The following MANEA variants were observed in gnomAD, a reference collection of about 807,000 sequenced individuals.
MANEA encodes the protein mannosidase endo-alpha.
Under a neutral mutation model 36.8 loss-of-function variants are expected in MANEA, and 25 were observed. The ratio of observed to expected loss-of-function variants is 0.68; its 90% CI spans 0.50 to 0.95. MANEA has a LOEUF of 0.95. Ranked by LOEUF, MANEA falls within the 40% of genes least tolerant of loss-of-function variation. The probability of loss-of-function intolerance (pLI) is 0.00; values close to 1 mark genes in which losing one functional copy is unlikely to be tolerated. For synonymous variants in MANEA, 198 were observed against 188.5 expected (o/e 1.05, Z -0.41); for missense variants, 565 against 558.8 (o/e 1.01, Z -0.11).
chr6:95,583,929 A>G (rs748610649), intron 1 of MANEA, among the ~76,000 whole-genome samples: 2 of 152,212 alleles, frequency 1.3e-5, no homozygotes, highest in Admixed American at 1.3e-4. Context: ...AAATACATGT[A>G]GAATAGTGTT....
Position 95,593,955 on chromosome 6 carries a change from G to A in MANEA, c.545-2782G>A, listed in dbSNP as rs1350723714. 2.0e-5 allele frequency among the ~76,000 whole-genome samples: 3 copies of A among 152,098 alleles called. No individual in the cohort carries two copies. The East Asian group carries it at 5.8e-4, about 29-fold the overall frequency. Reference sequence around the variant, plus strand: ...CAGAGGAGGGATTCTATCTGTAATCGATAGAATGAGGCAGGAGAATCACTT... The same window carrying A: ...CAGAGGAGGGATTCTATCTGTAATCAATAGAATGAGGCAGGAGAATCACTT... On this transcript the variant is annotated intron_variant, in intron 2 of 4. Coordinates refer to ENST00000358812, the MANE Select transcript of MANEA (RefSeq NM_024641.4).
intron 1 of MANEA, among the ~76,000 whole-genome samples, chr6:95,584,298 A>G (rs1308243223): frequency 2.6e-5 from 4 of 152,204 alleles, no homozygotes; most frequent in Non-Finnish European, 4.4e-5. Flanking sequence ...CAGAGAGCCT[A>G]TAAATGGACG....
chr6:95,586,079 T>C (rs1342929233), intron 1 of MANEA, among the ~76,000 whole-genome samples: 1 of 152,252 alleles, frequency 6.6e-6, no homozygotes, highest in Non-Finnish European at 1.5e-5. Context: ...AGCATACATG[T>C]AATCTGTTCA....
At chr6:95,591,444 C>T (rs578197808) in intron 2 of MANEA, among the ~76,000 whole-genome samples, 6 of 151,966 alleles carry the variant, frequency 3.9e-5, no homozygotes, top group African/African-American at 1.4e-4. Flanking sequence ...GATGAGTAGT[C>T]TGCCGTAATT....
intron 3 of MANEA, among the ~76,000 whole-genome samples, chr6:95,598,074 A>G (rs1268427985): frequency 6.6e-6 from 1 of 152,176 alleles, no homozygotes; most frequent in African/African-American, 2.4e-5. Flanking sequence ...AGAGGTTTAA[A>G]GAATCTGAAT....
At chr6:95,593,893 A>G (rs577111770) in intron 2 of MANEA, among the ~76,000 whole-genome samples, 2 of 152,208 alleles carry the variant, frequency 1.3e-5, no homozygotes, top group Non-Finnish European at 2.9e-5. Context: ...TAAAAATACA[A>G]AAATTAGCCA....
At chr6:95,605,191 A>C (rs1769675430) in intron 4 of MANEA, among the ~76,000 whole-genome samples, 1 of 152,118 alleles carries the variant, frequency 6.6e-6, no homozygotes, top group Non-Finnish European at 1.5e-5. Context: ...ATTATTTTCT[A>C]AACCTTCAGA....
chr6:95,597,196 A>G (rs1044111572), intron 3 of MANEA, among the ~76,000 whole-genome samples: 16 of 152,062 alleles, frequency 1.1e-4, no homozygotes, highest in African/African-American at 3.9e-4. Context: ...TTTATAAAGT[A>G]GTTAAAAAAT....
intron 3 of MANEA, among the ~76,000 whole-genome samples, chr6:95,599,251 C>T (rs1769542474): frequency 6.6e-6 from 1 of 151,962 alleles, no homozygotes; most frequent in African/African-American, 2.4e-5. Context: ...CTCTTAGTAT[C>T]TTATTTCAAA....
rs1428186840 is a variant in MANEA, at chr6:95,606,393, G to C, written c.1377G>C (p.Leu459=). 2 of 1,591,214 alleles carry C rather than the reference G, an allele frequency of 1.3e-6. No homozygotes were observed. The highest frequency in any genetic ancestry group is 1.7e-6 in the Non-Finnish European group (2 of 1,174,932). The change falls in exon 5 of 5, where the codon CTG becomes CTC. Residue 459 remains leucine, a synonymous_variant. Coordinates refer to ENST00000358812, the MANE Select transcript of MANEA (RefSeq NM_024641.4). The part of the protein sequence containing the change: ...ERATYALDRQ[L]PVS ...CAACTTATGCATTAGATCGCCAGCT[G>C]CCTGTTTCTTAATGCATTGATTAAA... is the stretch of plus-strand genomic sequence containing the variant.
chr6:95,584,294 G>A lies in MANEA; in HGVS notation c.-38-2108G>A, dbSNP rs1769238168. Among the ~76,000 whole-genome samples, 5 of 152,284 alleles carry A rather than the reference G, an allele frequency of 3.3e-5. No homozygotes were observed. In the South Asian group the frequency reaches 1.0e-3, roughly 32 times the overall value. ...AGCCATATTTTTCTTCTTGCAGAGA[G>A]CCTATAAATGGACGTGCAAGTAGGA... On this transcript the variant is annotated intron_variant, in intron 1 of 4. Coordinates refer to ENST00000358812, the MANE Select transcript of MANEA (RefSeq NM_024641.4).
intron 2 of MANEA, among the ~76,000 whole-genome samples, chr6:95,595,288 G>A (rs1769463331): frequency 6.6e-6 from 1 of 152,136 alleles, no homozygotes. Flanking sequence ...AAGATTGTAA[G>A]TGATCGCTTA....
chr6:95,596,017 A>T (rs779473087), intron 2 of MANEA, among the ~76,000 whole-genome samples: 1 of 152,210 alleles, frequency 6.6e-6, no homozygotes, highest in African/African-American at 2.4e-5. Context: ...GTAAAAAGAA[A>T]TGAGCTATCA....
At chr6:95,577,699 C>T (rs1769093434) in intron 1 of MANEA, 61 bp downstream of exon 1, 1 of 152,350 alleles carries the variant, frequency 6.6e-6, no homozygotes, top group Non-Finnish European at 1.5e-5. Context: ...GCGGCAGGCA[C>T]GAGGTCCACC....
chr6:95,594,590 A>T (rs1186520670), intron 2 of MANEA, among the ~76,000 whole-genome samples: 5 of 152,132 alleles, frequency 3.3e-5, no homozygotes, highest in African/African-American at 1.2e-4. Flanking sequence ...ATGGTGTTTT[A>T]TTCTTTGTGT....
intron 2 of MANEA, 35 bp downstream of exon 2, chr6:95,587,018 T>G: frequency 8.2e-7 from 1 of 1,216,434 alleles, no homozygotes; most frequent in Non-Finnish European, 1.2e-6. Flanking sequence ...TGTGTTTGTG[T>G]CTGTATATAT....
At chr6:95,580,231 T>TAC (rs113956267) in intron 1 of MANEA, among the ~76,000 whole-genome samples, 43 of 152,164 alleles carry the variant, frequency 2.8e-4, no homozygotes, top group Non-Finnish European at 4.4e-4. Context: ...TATATATATA[T>TAC]ACACACACAC....
Position 95,606,566 on chromosome 6 carries a change from C to T in MANEA, c.*161C>T. 2 of 363,526 alleles carry T rather than the reference C, an allele frequency of 5.5e-6. No homozygotes were observed. Among genetic ancestry groups the T allele is most frequent in the African/African-American group, 2.1e-5 (1 of 47,680 alleles). 22.5% of individuals were successfully genotyped at this position (363,526 alleles called of 1,614,324 possible). A position where few individuals can be genotyped will look rare whatever the true frequency, so the allele number is the denominator to read the frequency against. Reference sequence around the variant, plus strand: ...TACAGATAATATTATACTTGTTACCCTTCACAATACCACATGAGAAAATAT... The same window carrying T: ...TACAGATAATATTATACTTGTTACCTTTCACAATACCACATGAGAAAATAT... On this transcript the variant is annotated 3_prime_UTR_variant, in exon 5 of 5. Transcript: ENST00000358812.
chr6:95,580,853 G>A (rs974066662), intron 1 of MANEA, among the ~76,000 whole-genome samples: 1 of 152,030 alleles, frequency 6.6e-6, no homozygotes, highest in African/African-American at 2.4e-5. Flanking sequence ...TTTCAACTTT[G>A]ACTTGAAGGT....
Sources: gnomAD v4.1 joint callset for allele counts (sites outside exome capture counted in the v4.1 genomes callset) on GRCh38, gnomAD v4.1.1 for gene constraint, MANE v1.5 for transcripts, NCBI Gene and HGNC (gene_info 2026-07-23, HGNC 2026-07-21) for gene names.